The following OR2A7 variants were observed in gnomAD, a reference collection of about 807,000 sequenced individuals.
OR2A7 encodes olfactory receptor family 2 subfamily A member 7.
For missense variants in OR2A7, 35 were observed against 359.2 expected (o/e 0.10, Z 7.30); for synonymous variants, 10 against 147.1 (o/e 0.07, Z 6.74).
rs1390631820 is a variant in OR2A7, at chr7:144,264,682, G to A, written c.-5+19C>T. 29 of 151,708 alleles carry A rather than the reference G, an allele frequency of 1.9e-4. 1 individual carries two copies. The highest frequency in any genetic ancestry group is 7.0e-4 in the African/African-American group (29 of 41,440). The allele number at this position is 151,708 out of a possible 1,614,324, so 9.4% of individuals were successfully genotyped here. On this transcript the variant is annotated intron_variant, in intron 1 of 1. Transcript: ENST00000641841. ...GGCATTGCTATCATAGGAGACGACAGCCTCATGCATGCTCTTACCCGTGAA... is the reference window on the plus strand; with the variant it reads ...GGCATTGCTATCATAGGAGACGACAACCTCATGCATGCTCTTACCCGTGAA...
chr7:144,260,637 T>C (rs1482598493), intron 1 of OR2A7, among the ~76,000 whole-genome samples: 3 of 151,958 alleles, frequency 2.0e-5, no homozygotes, highest in Non-Finnish European at 4.4e-5. Context: ...AAAGACTTAT[T>C]TTTTAGCCCA....
At chr7:144,260,202 C>G (rs1398007244) in intron 1 of OR2A7, among the ~76,000 whole-genome samples, 1 of 140,666 alleles carries the variant, frequency 7.1e-6, no homozygotes, top group Non-Finnish European at 1.6e-5. Flanking sequence ...TTAATAAAGG[C>G]TAAAATTTAA....
Position 144,264,528 on chromosome 7 carries a change from T to C in OR2A7, c.-5+173A>G, listed in dbSNP as rs1323250000. On this transcript the variant is annotated intron_variant, in intron 1 of 1. Coordinates refer to ENST00000641841, the MANE Select transcript of OR2A7 (RefSeq NM_001005328.2). ...TGCCTACCTCAGCCTCCCAAAGTACTGAGATTACAGGTGTGAGCCACTGTG... is the reference window on the plus strand; with the variant it reads ...TGCCTACCTCAGCCTCCCAAAGTACCGAGATTACAGGTGTGAGCCACTGTG... Among the ~76,000 whole-genome samples, 10 of 152,214 alleles carry C rather than the reference T, an allele frequency of 6.6e-5. 1 individual carries two copies. Among genetic ancestry groups the C allele is most frequent in the African/African-American group, 2.4e-4 (10 of 41,568 alleles).
chr7:144,260,111 G>GAAAAAAAAAAAAAA (rs1162605720), intron 1 of OR2A7, among the ~76,000 whole-genome samples: 2 of 87,654 alleles, frequency 2.3e-5, no homozygotes, highest in African/African-American at 4.2e-5. Context: ...TCTGTCTCCA[G>GAAAAAAAAAAAAAA]AAAAAAAAAA....
At chr7:144,264,536 C>T (rs1286904147) in intron 1 of OR2A7, among the ~76,000 whole-genome samples, 165 bp downstream of exon 1, 1 of 152,070 alleles carries the variant, frequency 6.6e-6, no homozygotes, top group Non-Finnish European at 1.5e-5. Context: ...ACTGAGATTA[C>T]AGGTGTGAGC....
In OR2A7 at chr7:144,260,182, C is replaced by T. The variant is rs556274648; in HGVS notation, c.-4-550G>A. On this transcript the variant is annotated intron_variant, in intron 1 of 1. Transcript: ENST00000641841. ...GTATACATAGGTTTCTTTTTTATTA[C>T]GTTAATTTTTTAATAAAGGCTAAAA... Among the ~76,000 whole-genome samples, 8 of 138,528 alleles carry T rather than the reference C, an allele frequency of 5.8e-5. 1 individual carries two copies. The South Asian group carries it at 7.3e-4, about 13-fold the overall frequency. The allele number at this position is 138,528 out of a possible 152,430, so 90.9% of individuals were successfully genotyped here. A position where few individuals can be genotyped will look rare whatever the true frequency, so the allele number is the denominator to read the frequency against.
chr7:144,259,986 G>A (rs1462650581), intron 1 of OR2A7, among the ~76,000 whole-genome samples: 4 of 130,282 alleles, frequency 3.1e-5, no homozygotes, highest in Non-Finnish European at 6.7e-5. Context: ...GCGTGTACCT[G>A]TAGTCCCAGC....
intron 1 of OR2A7, among the ~76,000 whole-genome samples, chr7:144,260,549 C>T (rs1397528079): frequency 4.6e-5 from 7 of 151,846 alleles, no homozygotes; most frequent in Non-Finnish European, 2.9e-5. Flanking sequence ...TGGTCATTCA[C>T]CTCTTAAACT....
intron 1 of OR2A7, among the ~76,000 whole-genome samples, chr7:144,259,929 G>T (rs1424560589): frequency 1.5e-5 from 2 of 136,322 alleles, no homozygotes; most frequent in Non-Finnish European, 3.2e-5. Flanking sequence ...ACAACACGGT[G>T]AAACCCCATT....
Position 144,264,468 on chromosome 7 carries a change from T to C in OR2A7, c.-5+233A>G, listed in dbSNP as rs1175926064. ...TAGAGATGGGGTTTCACCATGTTGG[T>C]CAGCGTTTTCTTGAACTCCTGACTG... On this transcript the variant is annotated intron_variant, in intron 1 of 1. Coordinates refer to ENST00000641841, the MANE Select transcript of OR2A7 (RefSeq NM_001005328.2). Among the ~76,000 whole-genome samples, 13 of 152,064 alleles carry C rather than the reference T, an allele frequency of 8.5e-5. No homozygotes were observed. The Admixed American group carries it at 8.6e-4, about 10-fold the overall frequency.
intron 1 of OR2A7, among the ~76,000 whole-genome samples, chr7:144,260,127 A>G (rs1466568763): frequency 2.7e-4 from 35 of 129,562 alleles, no homozygotes; most frequent in African/African-American, 4.3e-4. Flanking sequence ...AAAAAAAAAA[A>G]AAAGAAAAGG....
chr7:144,261,245 T>C (rs1379653420), intron 1 of OR2A7, among the ~76,000 whole-genome samples: 1 of 151,754 alleles, frequency 6.6e-6, no homozygotes, highest in African/African-American at 2.4e-5. Flanking sequence ...ATCGCTCAGA[T>C]TGTGTGGCCT....
At chr7:144,261,943 A>G (rs1305474441) in intron 1 of OR2A7, among the ~76,000 whole-genome samples, 3 of 151,954 alleles carry the variant, frequency 2.0e-5, no homozygotes, top group African/African-American at 7.2e-5. Flanking sequence ...GGCTGAGTTT[A>G]CTGATGGTGC....
At chr7:144,260,529 A>G (rs1164581194) in intron 1 of OR2A7, among the ~76,000 whole-genome samples, 5 of 151,842 alleles carry the variant, frequency 3.3e-5, no homozygotes, top group African/African-American at 1.2e-4. Flanking sequence ...CCATCAGCCA[A>G]ATACACCAGT....
At chr7:144,259,707 C>T (rs1378679722) in intron 1 of OR2A7, 75 bp from the exon 2 acceptor site, 7 of 859,110 alleles carry the variant, frequency 8.1e-6, no homozygotes, top group East Asian at 2.4e-5. Flanking sequence ...TTAACTTGTT[C>T]GGCACTCTTT....
At chr7:144,260,970 TTC>T (rs2052637563) in intron 1 of OR2A7, among the ~76,000 whole-genome samples, 1 of 147,444 alleles carries the variant, frequency 6.8e-6, no homozygotes. Context: ...TTAAATTTTA[TTC>T]TCATTTTTTA....
At chr7:144,262,230 A>G (rs1231749354) in intron 1 of OR2A7, among the ~76,000 whole-genome samples, 1 of 151,444 alleles carries the variant, frequency 6.6e-6, no homozygotes, top group Non-Finnish European at 1.5e-5. Flanking sequence ...AAAGAGAATG[A>G]GACTAAGGCA....
intron 1 of OR2A7, among the ~76,000 whole-genome samples, chr7:144,260,562 C>A (rs1445342688): frequency 4.6e-5 from 7 of 151,916 alleles, no homozygotes; most frequent in Non-Finnish European, 8.8e-5. Context: ...CTTAAACTTT[C>A]CACTCTTGCA....
intron 1 of OR2A7, among the ~76,000 whole-genome samples, chr7:144,261,164 G>T (rs2052640895): frequency 1.3e-5 from 2 of 150,840 alleles, no homozygotes; most frequent in South Asian, 2.1e-4. Flanking sequence ...AAATAATTTA[G>T]TTATTTATTG....
Sources: gnomAD v4.1 joint callset for allele counts (sites outside exome capture counted in the v4.1 genomes callset) on GRCh38, gnomAD v4.1.1 for gene constraint, MANE v1.5 for transcripts, NCBI Gene and HGNC (gene_info 2026-07-23, HGNC 2026-07-21) for gene names.